The following NCOA3 variants were observed in gnomAD, a reference collection of about 807,000 sequenced individuals.
NCOA3 encodes CBP-interacting protein.
In NCOA3, 51 loss-of-function variants were observed where a neutral mutation model predicts 158.8. The ratio of observed to expected loss-of-function variants is 0.32; its 90% CI spans 0.26 to 0.41. The LOEUF is 0.41. NCOA3 is among the 10% of genes least tolerant of loss of function. NCOA3 has a pLI of 1.00. For missense variants in NCOA3, 1,510 were observed against 1,746.6 expected, an observed-to-expected ratio of 0.86 and a Z score of 2.41; for synonymous variants, 537 against 592.4, an observed-to-expected ratio of 0.91 and a Z score of 1.36.
intron 1 of NCOA3, among the ~76,000 whole-genome samples, chr20:47,520,088 AAAGG>A (rs2084303188): frequency 6.6e-6 from 1 of 150,888 alleles, no homozygotes; most frequent in African/African-American, 2.4e-5. Context: ...AAAAAAAAAA[AAAGG>A]AAGGCTACAG....
chr20:47,639,606 C>CAG lies in NCOA3; in HGVS notation c.2739_2740dup (p.Thr914ArgfsTer21). On this transcript the variant is annotated frameshift_variant, in exon 15 of 23. Transcript: ENST00000371998. LOFTEE classifies it high-confidence loss of function. ...GCCAAACCGAAATGTGACTGTGACT[C>CAG]AGACTCCTTCCTCAGGAGACTGGGG... 1 of 1,613,752 alleles carries CAG rather than the reference C, an allele frequency of 6.2e-7. No homozygotes were observed. The highest frequency in any genetic ancestry group is 8.5e-7 in the Non-Finnish European group (1 of 1,179,868).
At chr20:47,525,828 T>G (rs796743911) in intron 1 of NCOA3, among the ~76,000 whole-genome samples, 1 of 61,216 alleles carries the variant, frequency 1.6e-5, no homozygotes, top group African/African-American at 6.7e-5. Context: ...CACTTCCCAG[T>G]AGGGGCGGCC....
intron 1 of NCOA3, among the ~76,000 whole-genome samples, chr20:47,533,604 A>G (rs113960311): frequency 2.5e-4 from 38 of 152,270 alleles, no homozygotes; most frequent in African/African-American, 8.9e-4. Flanking sequence ...AGTCATGTGA[A>G]GAGTAGCCTG....
chr20:47,639,891 T>C, intron 15 of NCOA3, 34 bp from the exon 16 acceptor site: 1 of 1,613,422 alleles, frequency 6.2e-7, no homozygotes, highest in South Asian at 1.1e-5. Flanking sequence ...TTTGCTCTTA[T>C]TTGAGAATTT....
intron 1 of NCOA3, among the ~76,000 whole-genome samples, chr20:47,562,988 C>T (rs372523786): frequency 1.2e-4 from 18 of 152,262 alleles, no homozygotes; most frequent in East Asian, 1.2e-3. Flanking sequence ...TCAAGCAGTC[C>T]TCTCCACTGG....
chr20:47,505,800 C>CTTTT (rs11434305), intron 1 of NCOA3, among the ~76,000 whole-genome samples: 6 of 119,130 alleles, frequency 5.0e-5, no homozygotes, highest in African/African-American at 1.3e-4. Context: ...GCATTTTCTC[C>CTTTT]TTTTTTTTTT....
intron 1 of NCOA3, among the ~76,000 whole-genome samples, chr20:47,511,550 T>TATATATATATATATACACACATACAC: frequency 7.7e-5 from 4 of 52,270 alleles, no homozygotes; most frequent in Non-Finnish European, 1.6e-4. Flanking sequence ...TATATATATA[T>TATATATATATATATACACACATACAC]ATATATTTCT....
chr20:47,560,185 T>G (rs1188670942), intron 1 of NCOA3, among the ~76,000 whole-genome samples: 1 of 152,176 alleles, frequency 6.6e-6, no homozygotes, highest in Non-Finnish European at 1.5e-5. Flanking sequence ...TTTCAAGCAA[T>G]TCTCCTGCCT....
intron 1 of NCOA3, among the ~76,000 whole-genome samples, chr20:47,579,656 G>A (rs1183640796): frequency 1.3e-5 from 2 of 152,116 alleles, no homozygotes; most frequent in African/African-American, 4.8e-5. Context: ...GACTATTTGC[G>A]AATCTCTCTG....
intron 1 of NCOA3, among the ~76,000 whole-genome samples, chr20:47,515,472 C>CTTTTTTTTTTTTTTTTT (rs111350575): frequency 2.3e-5 from 3 of 130,026 alleles, no homozygotes; most frequent in Admixed American, 7.9e-5. Context: ...TTCTTTCTTT[C>CTTTTTTTTTTTTTTTTT]TTTTTTTTTT....
At chr20:47,510,276 T>A (rs1019815435) in intron 1 of NCOA3, among the ~76,000 whole-genome samples, 1 of 151,062 alleles carries the variant, frequency 6.6e-6, no homozygotes. Flanking sequence ...ACTAAAAATA[T>A]AAAAAAATTA....
At chr20:47,536,071 C>G (rs1318832351) in intron 1 of NCOA3, among the ~76,000 whole-genome samples, 2 of 152,140 alleles carry the variant, frequency 1.3e-5, no homozygotes, top group Non-Finnish European at 2.9e-5. Context: ...AGGTCCTGGG[C>G]TTATATGAGC....
At chr20:47,627,893 T>A in intron 7 of NCOA3, 29 bp from the exon 8 acceptor site, 2 of 1,602,828 alleles carry the variant, frequency 1.2e-6, no homozygotes, top group Non-Finnish European at 1.7e-6. Flanking sequence ...TTAAGTATAA[T>A]CCTTACCAGG....
At position 47,501,916 on chromosome 20, in the gene NCOA3, G is replaced by C; in HGVS notation, c.-202G>C. ...GCTGCTGTCTCAGCCGCTCCACAGC[G>C]ACGGCAGCGGCTGCGGCTTAGTCGG... is the stretch of plus-strand genomic sequence containing the variant. On this transcript the variant is annotated 5_prime_UTR_variant, in exon 1 of 23. Transcript: ENST00000371998. 2.5e-6 allele frequency: 1 copy of C among 400,578 alleles called. No homozygotes were observed. The highest frequency in any genetic ancestry group is 4.4e-6 in the Non-Finnish European group (1 of 227,436). The allele number at this position is 400,578 out of a possible 1,614,324, so 24.8% of individuals were successfully genotyped here. A position where few individuals can be genotyped will look rare whatever the true frequency, so the allele number is the denominator to read the frequency against.
chr20:47,561,711 C>T (rs1399874272), intron 1 of NCOA3, among the ~76,000 whole-genome samples: 1 of 152,122 alleles, frequency 6.6e-6, no homozygotes, highest in Admixed American at 6.6e-5. Flanking sequence ...CCTCCATTAT[C>T]AGCAACTCCC....
chr20:47,652,316 T>TAA, intron 20 of NCOA3, 90 bp from the exon 21 acceptor site: 1 of 1,248,268 alleles, frequency 8.0e-7, no homozygotes, highest in Non-Finnish European at 1.1e-6. Context: ...CCCACCTCCT[T>TAA]TAAAAAAAAA....
intron 1 of NCOA3, among the ~76,000 whole-genome samples, chr20:47,513,261 C>T (rs1602323067): frequency 6.6e-6 from 1 of 152,148 alleles, no homozygotes; most frequent in South Asian, 2.1e-4. Context: ...CCAAGAGAAA[C>T]ACAAGCTTAG....
chr20:47,550,150 A>T lies in NCOA3; in HGVS notation c.-98-33033A>T, dbSNP rs200871648. ...TGTATTTCAATTTTTTTTTTTTTTT[A>T]AAAGGGTTTGAAGTCCAGGCGCGGT... On this transcript the variant is annotated intron_variant, in intron 1 of 22. Coordinates refer to ENST00000371998, the MANE Select transcript of NCOA3 (RefSeq NM_181659.3). Among the ~76,000 whole-genome samples the T allele has an allele frequency of 1.9e-3, 242 of 127,794 alleles. 4 individuals are homozygous for T. Among genetic ancestry groups the T allele is most frequent in the Admixed American group, 0.011 (147 of 13,148 alleles). The allele number at this position is 127,794 out of a possible 152,430, so 83.8% of individuals were successfully genotyped here.
At chr20:47,620,758 A>T (rs1450307955) in intron 2 of NCOA3, among the ~76,000 whole-genome samples, 1 of 152,210 alleles carries the variant, frequency 6.6e-6, no homozygotes, top group Non-Finnish European at 1.5e-5. Flanking sequence ...TTGACAACAT[A>T]CTTTTATGTC....
Sources: gnomAD v4.1 joint callset for allele counts (sites outside exome capture counted in the v4.1 genomes callset) on GRCh38, gnomAD v4.1.1 for gene constraint, MANE v1.5 for transcripts, NCBI Gene and HGNC (gene_info 2026-07-23, HGNC 2026-07-21) for gene names.